The following DPH6 variants were observed in gnomAD, a reference collection of about 807,000 sequenced individuals.
DPH6 encodes the protein diphthine--ammonia ligase.
In DPH6, 33 loss-of-function variants were observed where a neutral mutation model predicts 38.2. The observed-to-expected ratio is 0.86, with a 90% CI of 0.65 to 1.15. The LOEUF is 1.15. Ranked by LOEUF, DPH6 falls within the 50% of genes most tolerant of loss-of-function variation. The pLI is 0.00. For missense variants in DPH6, 325 were observed against 320.0 expected (o/e 1.02, Z -0.12); for synonymous variants, 108 against 103.0 (o/e 1.05, Z -0.30).
At chr15:35,537,562 C>G (rs1382439798) in intron 3 of DPH6, among the ~76,000 whole-genome samples, 1 of 151,988 alleles carries the variant, frequency 6.6e-6, no homozygotes, top group Non-Finnish European at 1.5e-5. Flanking sequence ...GATAAATGAG[C>G]CCAAATATAC....
At chr15:35,536,445 T>A (rs1357071365) in intron 3 of DPH6, among the ~76,000 whole-genome samples, 1 of 152,040 alleles carries the variant, frequency 6.6e-6, no homozygotes, top group South Asian at 2.1e-4. Context: ...AATTTAACAT[T>A]AGCATTAATT....
At chr15:35,341,636 G>T (rs1360691867) in intron 3 of DPH6, among the ~76,000 whole-genome samples, 1 of 152,132 alleles carries the variant, frequency 6.6e-6, no homozygotes, top group Admixed American at 6.5e-5. Flanking sequence ...GCTGTGGTTT[G>T]CTGGGGGTCC....
chr15:35,436,413 C>T (rs976650887), intron 5 of DPH6, among the ~76,000 whole-genome samples: 11 of 151,314 alleles, frequency 7.3e-5, no homozygotes, highest in Admixed American at 6.6e-4. Context: ...TTGCAATGAG[C>T]CGAGATGGCG....
At chr15:35,498,251 T>G (rs1190358174) in intron 3 of DPH6, among the ~76,000 whole-genome samples, 3 of 152,118 alleles carry the variant, frequency 2.0e-5, no homozygotes. Context: ...TCTAGAATGA[T>G]AAAATGCTTA....
the DPH6 span, among the ~76,000 whole-genome samples, chr15:35,176,629 G>A: frequency 1.3e-5 from 2 of 152,170 alleles, no homozygotes; most frequent in African/African-American, 2.4e-5. Flanking sequence ...GTGCCACCAC[G>A]CCTGGCTAAT....
At chr15:35,378,338 A>C (rs2052809645) in intron 7 of DPH6, among the ~76,000 whole-genome samples, 1 of 152,218 alleles carries the variant, frequency 6.6e-6, no homozygotes, top group African/African-American at 2.4e-5. Flanking sequence ...CACATGCTGG[A>C]GAGGATGTGG....
intron 3 of DPH6, among the ~76,000 whole-genome samples, chr15:35,265,140 G>A (rs1341054984): frequency 2.0e-5 from 3 of 151,716 alleles, no homozygotes; most frequent in Admixed American, 2.0e-4. Context: ...CAAAATAACA[G>A]TACTGTGGTT....
At chr15:35,192,291 C>T in the DPH6 span, among the ~76,000 whole-genome samples, 12 of 152,144 alleles carry the variant, frequency 7.9e-5, no homozygotes, top group African/African-American at 2.7e-4. Context: ...TAGTACCTAA[C>T]TCCTAGTGCT....
At chr15:35,397,619 C>T (rs1021246781) in intron 6 of DPH6, among the ~76,000 whole-genome samples, 2 of 151,944 alleles carry the variant, frequency 1.3e-5, no homozygotes, top group Admixed American at 1.3e-4. Flanking sequence ...AATAGAATAA[C>T]CAAAAGGGTA....
chr15:35,418,636 ATTACT>A (rs1171500535), intron 5 of DPH6, among the ~76,000 whole-genome samples: 1 of 152,154 alleles, frequency 6.6e-6, no homozygotes, highest in Admixed American at 6.5e-5. Flanking sequence ...ATTCAATTTT[ATTACT>A]TTACTTACTG....
chr15:35,542,928 TATTATTCCACTTAAGGA>T (rs2055277953), intron 1 of DPH6, among the ~76,000 whole-genome samples: 1 of 59,296 alleles, frequency 1.7e-5, no homozygotes, highest in African/African-American at 5.7e-5. Flanking sequence ...ATATAATATA[TATTATTCCACTTAAGGA>T]ATATATATAT....
chr15:35,186,236 A>G, the DPH6 span, among the ~76,000 whole-genome samples: 10 of 152,280 alleles, frequency 6.6e-5, no homozygotes, highest in Middle Eastern at 3.4e-3. Flanking sequence ...CAACTCCTTT[A>G]TATCTTCAAA....
the DPH6 span, among the ~76,000 whole-genome samples, chr15:35,200,708 T>A: frequency 9.2e-5 from 14 of 151,548 alleles, no homozygotes; most frequent in South Asian, 2.5e-3. Flanking sequence ...AACAACAACA[T>A]CCATGCATCT....
intron 3 of DPH6, among the ~76,000 whole-genome samples, chr15:35,321,940 C>G (rs1270540044): frequency 1.3e-5 from 2 of 152,102 alleles, no homozygotes; most frequent in Admixed American, 1.3e-4. Flanking sequence ...TCCAAAGACT[C>G]AGGGGTTAGG....
intron 6 of DPH6, among the ~76,000 whole-genome samples, chr15:35,399,013 C>T (rs2053183684): frequency 6.6e-6 from 1 of 152,062 alleles, no homozygotes; most frequent in Admixed American, 6.5e-5. Flanking sequence ...TCAAAAAGCC[C>T]CATCCACATA....
chr15:35,153,557 AG>A, the DPH6 span, among the ~76,000 whole-genome samples: 3 of 152,312 alleles, frequency 2.0e-5, no homozygotes, highest in East Asian at 5.8e-4. Flanking sequence ...CATCCTTCTA[AG>A]AAGCATGGAG....
downstream of DPH6, among the ~76,000 whole-genome samples, chr15:35,329,955 A>T (rs1004771100): frequency 6.6e-6 from 1 of 152,188 alleles, no homozygotes; most frequent in Non-Finnish European, 1.5e-5. Context: ...GTTAAAAAAA[A>T]ATATGTTTGG....
At chr15:35,545,470 A>C (rs1290303176) in intron 1 of DPH6, among the ~76,000 whole-genome samples, 1 of 152,242 alleles carries the variant, frequency 6.6e-6, no homozygotes, top group Non-Finnish European at 1.5e-5. Context: ...TGGATCTAGC[A>C]TAAGACTAGT....
At position 35,302,462 on chromosome 15, in the gene DPH6, T is replaced by C. The variant is rs2052060843; in HGVS notation, n.200+71059A>G. 2.0e-5 allele frequency among the ~76,000 whole-genome samples: 3 copies of C among 152,214 alleles called. No individual in the cohort carries two copies. The South Asian group carries it at 6.2e-4, about 32-fold the overall frequency. On this transcript the variant is annotated intron_variant and non_coding_transcript_variant, in intron 3 of 3. Transcript: ENST00000560386. ...TGCCCTACTCTTTTATCAATTGCTT[T>C]TGAAGTAATGTTAATAGACTAGAAA...
Sources: gnomAD v4.1 joint callset for allele counts (sites outside exome capture counted in the v4.1 genomes callset) on GRCh38, gnomAD v4.1.1 for gene constraint, MANE v1.5 for transcripts, NCBI Gene and HGNC (gene_info 2026-07-23, HGNC 2026-07-21) for gene names.